The following DSG4 variants were observed in gnomAD, a reference collection of about 807,000 sequenced individuals.
DSG4 encodes the protein desmoglein-4.
Under a neutral mutation model 93.1 loss-of-function variants are expected in DSG4, and 87 were observed. The ratio of observed to expected loss-of-function variants is 0.93; its 90% CI spans 0.79 to 1.12. DSG4 has a LOEUF of 1.12. Among genes scored for constraint, DSG4 ranks in the 50% most tolerant of loss-of-function variants. DSG4 has a pLI of 0.00. For missense variants in DSG4, 1,373 were observed against 1,285.7 expected, an observed-to-expected ratio of 1.07 and a Z score of -1.04; for synonymous variants, 432 against 452.9, an observed-to-expected ratio of 0.95 and a Z score of 0.59.
At chr18:31,409,905 A>G (rs945301870) in intron 14 of DSG4, 97 bp downstream of exon 14, 1 of 1,389,386 alleles carries the variant, frequency 7.2e-7, no homozygotes, top group African/African-American at 1.4e-5. Flanking sequence ...AAAGTCTGTC[A>G]GTCTCTTTGG....
At chr18:31,406,778 T>C (rs2072432229) in intron 12 of DSG4, among the ~76,000 whole-genome samples, 1 of 151,966 alleles carries the variant, frequency 6.6e-6, no homozygotes, top group Non-Finnish European at 1.5e-5. Context: ...TTTTTCTTTT[T>C]TTCTTTTTCT....
intron 1 of DSG4, among the ~76,000 whole-genome samples, chr18:31,384,087 C>T (rs1313272981): frequency 6.6e-6 from 1 of 152,116 alleles, no homozygotes; most frequent in Non-Finnish European, 1.5e-5. Flanking sequence ...TTTCCCAGTA[C>T]TTACAACTGA....
intron 11 of DSG4, among the ~76,000 whole-genome samples, chr18:31,404,685 C>T (rs1598749309): frequency 6.6e-6 from 1 of 152,220 alleles, no homozygotes; most frequent in East Asian, 1.9e-4. Flanking sequence ...TTGTTTTTAC[C>T]ATCAAACCTT....
intron 11 of DSG4, 81 bp downstream of exon 11, chr18:31,403,715 T>C (rs2072395458): frequency 8.1e-7 from 1 of 1,238,900 alleles, no homozygotes. Context: ...AGTCACTTAA[T>C]AAAACATTCT....
chr18:31,413,577 A>G lies in DSG4; in HGVS notation c.3105A>G (p.Ile1035Met), dbSNP rs200908109. Residue 1035 changes from isoleucine to methionine, a missense_variant, in exon 16 of 16, where the codon ATA becomes ATG. Physicochemically the swap from Ile to Met is conservative, Grantham distance 10 (BLOSUM62 1). Coordinates refer to ENST00000308128, the MANE Select transcript of DSG4 (RefSeq NM_177986.5). ...SRHRVTRYSNIHYTQQ is the reference protein window; with the variant it reads ...SRHRVTRYSNMHYTQQ ...ACAGAGTAACACGATACAGTAACAT[A>G]CATTACACCCAACAGTAAGTGCTTT... The G allele has an allele frequency of 9.3e-5, 150 of 1,613,880 alleles. No homozygotes were observed. The highest frequency in any genetic ancestry group is 1.2e-4 in the Non-Finnish European group (137 of 1,180,008).
At chr18:31,403,284 G>T in intron 10 of DSG4, 132 bp from the exon 11 acceptor site, 2 of 757,096 alleles carry the variant, frequency 2.6e-6, no homozygotes, top group South Asian at 1.5e-5. Context: ...CACTGAAGCG[G>T]GCAGGAACCT....
At position 31,413,805 on chromosome 18, in the gene DSG4, T is replaced by A; in HGVS notation, c.*210T>A. 1.6e-6 allele frequency: 1 copy of A among 607,568 alleles called. No individual in the cohort carries two copies. Among genetic ancestry groups the A allele is most frequent in the Admixed American group, 3.0e-5 (1 of 33,038 alleles). The allele number at this position is 607,568 out of a possible 1,614,324, so 37.6% of individuals were successfully genotyped here. On this transcript the variant is annotated 3_prime_UTR_variant, in exon 16 of 16. Transcript: ENST00000308128. Reference sequence around the variant, plus strand: ...TTTTAAAATTCTTTCTGATTTTAAATAATGCGTCAAAAAATGTGCAGAAAA... The same window carrying A: ...TTTTAAAATTCTTTCTGATTTTAAAAAATGCGTCAAAAAATGTGCAGAAAA...
chr18:31,410,439 G>C (rs1282762895), intron 14 of DSG4, among the ~76,000 whole-genome samples: 1 of 151,546 alleles, frequency 6.6e-6, no homozygotes, highest in East Asian at 1.9e-4. Context: ...ATATATAAGT[G>C]TGTATATATA....
chr18:31,386,565 TTC>T, intron 2 of DSG4, 121 bp from the exon 3 acceptor site: 1 of 1,439,656 alleles, frequency 6.9e-7, no homozygotes, highest in Non-Finnish European at 9.6e-7. Context: ...GGTGAAAACA[TTC>T]TCTGTTCTTC....
chr18:31,399,091 A>T (rs2072335468), intron 8 of DSG4, among the ~76,000 whole-genome samples, 181 bp from the exon 9 acceptor site: 2 of 152,226 alleles, frequency 1.3e-5, no homozygotes, highest in Admixed American at 6.5e-5. Context: ...CTAAAAGATG[A>T]ACAGAAAAAC....
chr18:31,390,237 A>G (rs1182000810), intron 5 of DSG4, among the ~76,000 whole-genome samples: 1 of 152,172 alleles, frequency 6.6e-6, no homozygotes, highest in Non-Finnish European at 1.5e-5. Flanking sequence ...GGTGTTCAAT[A>G]CATAATTATA....
At position 31,388,476 on chromosome 18, in the gene DSG4, TTAA is replaced by T. The variant is rs759510780; in HGVS notation, c.327_329del (p.Asn110del). On this transcript the variant is annotated inframe_deletion, in exon 4 of 16. Coordinates refer to ENST00000308128, the MANE Select transcript of DSG4 (RefSeq NM_177986.5). ...ACCATTAATCCTCGCACTGGGGAAATTAACATCACTTCAGTGGTAGACAGAGAA... is the reference window on the plus strand; with the variant it reads ...ACCATTAATCCTCGCACTGGGGAAATCATCACTTCAGTGGTAGACAGAGAA... 6.2e-7 allele frequency: 1 copy of T among 1,613,562 alleles called. No individual in the cohort carries two copies. The highest frequency in any genetic ancestry group is 8.5e-7 in the Non-Finnish European group (1 of 1,179,616).
intron 5 of DSG4, 108 bp downstream of exon 5, chr18:31,389,126 C>T: frequency 2.3e-6 from 3 of 1,298,056 alleles, no homozygotes; most frequent in Middle Eastern, 5.2e-4. Flanking sequence ...AAAAGCCACA[C>T]TTGTATTTTG....
intron 8 of DSG4, among the ~76,000 whole-genome samples, chr18:31,396,046 A>C (rs146014807): frequency 7.9e-5 from 12 of 152,314 alleles, no homozygotes; most frequent in Non-Finnish European, 1.2e-4. Flanking sequence ...CAGAAAAATG[A>C]AAGTCTCTCT....
chr18:31,389,053 CA>C (rs764376432), intron 5 of DSG4, 35 bp downstream of exon 5: 1 of 1,607,804 alleles, frequency 6.2e-7, no homozygotes, highest in Non-Finnish European at 8.5e-7. Context: ...TACGTCACAG[CA>C]TATCTACTTC....
intron 1 of DSG4, 151 bp downstream of exon 1, chr18:31,377,110 ACT>A: frequency 1.1e-6 from 1 of 887,188 alleles, no homozygotes; most frequent in Non-Finnish European, 1.8e-6. Flanking sequence ...ATTTCAAACA[ACT>A]CTCTCCGCCT....
chr18:31,391,629 C>T (rs1461781299), intron 7 of DSG4, among the ~76,000 whole-genome samples: 1 of 151,718 alleles, frequency 6.6e-6, no homozygotes. Flanking sequence ...TCCACACTAG[C>T]AGGGCCAAAT....
Position 31,412,630 on chromosome 18 carries a change from A to G in DSG4, c.2356-198A>G, listed in dbSNP as rs182321147. Among the ~76,000 whole-genome samples the G allele has an allele frequency of 1.5e-3, 226 of 152,348 alleles. 1 individual carries two copies. The highest frequency in any genetic ancestry group is 5.3e-3 in the African/African-American group (219 of 41,576). The stretch of plus-strand genomic sequence containing the variant: ...GAAGATGTTGTTGCAATTGTAAACT[A>G]TATCTTAAAATTGGTAGTTACAAAT... On this transcript the variant is annotated intron_variant, in intron 15 of 15. Coordinates refer to ENST00000308128, the MANE Select transcript of DSG4 (RefSeq NM_177986.5).
At position 31,392,320 on chromosome 18, in the gene DSG4, G is replaced by A. The variant is rs749446111; in HGVS notation, c.985G>A (p.Gly329Ser). The part of the protein sequence containing the change: ...DIQTDPQTNE[G>S]ILKVVKMLDY... ...TCAAACAGATCCACAAACCAATGAAGGCATTTTGAAAGTTGTCAAGGTACA... is the reference window on the plus strand; with the variant it reads ...TCAAACAGATCCACAAACCAATGAAAGCATTTTGAAAGTTGTCAAGGTACA... Residue 329 changes from glycine to serine, a missense_variant, in exon 8 of 16, where the codon GGC (glycine) becomes AGC (serine). Physicochemically the swap from Gly to Ser is moderately conservative, Grantham distance 56. Coordinates refer to ENST00000308128, the MANE Select transcript of DSG4 (RefSeq NM_177986.5). 1.2e-6 allele frequency: 2 copies of A among 1,613,602 alleles called. No individual in the cohort carries two copies. Among genetic ancestry groups the A allele is most frequent in the Non-Finnish European group, 1.7e-6 (2 of 1,179,794 alleles).
Sources: gnomAD v4.1 joint callset for allele counts (sites outside exome capture counted in the v4.1 genomes callset) on GRCh38, gnomAD v4.1.1 for gene constraint, MANE v1.5 for transcripts, NCBI Gene and HGNC (gene_info 2026-07-23, HGNC 2026-07-21) for gene names.